CPXM2: variants seen among roughly 807,000 people sequenced by gnomAD.
The protein encoded by CPXM2 is carboxypeptidase X, M14 family member 2, also known as inactive carboxypeptidase-like protein X2.
A neutral mutation model predicts 86.1 loss-of-function variants in CPXM2; 66 were observed. The ratio of observed to expected loss-of-function variants is 0.77; its 90% CI spans 0.63 to 0.94. The LOEUF (loss-of-function observed/expected upper bound fraction) is 0.94, where lower values mean the gene tolerates loss of function less well. Ranked by LOEUF, CPXM2 falls within the 40% of genes least tolerant of loss-of-function variation. The pLI, the probability that CPXM2 is intolerant of heterozygous loss-of-function variation, is 0.00. For synonymous variants in CPXM2, 388 were observed against 400.2 expected, an observed-to-expected ratio of 0.97 and a Z score of 0.36; for missense variants, 948 against 1,026.3, an observed-to-expected ratio of 0.92 and a Z score of 1.04.
At chr10:123,940,925 A>C (rs1945769898), upstream of CPXM2, among the ~76,000 whole-genome samples, 1 of 152,148 alleles carries the variant, frequency 6.6e-6, no homozygotes, top group Non-Finnish European at 1.5e-5. Flanking sequence ...TAATCCCAGC[A>C]CTTTGGGAGG....
intron 7 of CPXM2, among the ~76,000 whole-genome samples, chr10:123,774,385 T>C (rs975295515): frequency 6.6e-6 from 1 of 152,226 alleles, no homozygotes; most frequent in Non-Finnish European, 1.5e-5. Flanking sequence ...AAAGTGTAGA[T>C]AAACAAATCT....
At chr10:123,815,013 G>T (rs1847784610) in intron 4 of CPXM2, among the ~76,000 whole-genome samples, 1 of 151,976 alleles carries the variant, frequency 6.6e-6, no homozygotes, top group Admixed American at 6.6e-5. Context: ...CTACAGAGTG[G>T]GACCTCGTCT....
chr10:123,939,610 G>A (rs750847584), intron 1 of CPXM2: 9 of 152,238 alleles, frequency 5.9e-5, no homozygotes, highest in East Asian at 1.9e-4. Context: ...GAGACTCTGC[G>A]TCTAAAGGGC....
intron 10 of CPXM2, among the ~76,000 whole-genome samples, chr10:123,763,940 G>A (rs935481354): frequency 1.3e-5 from 2 of 152,084 alleles, no homozygotes; most frequent in East Asian, 1.9e-4. Flanking sequence ...ATACTCACCC[G>A]CAATGTATAA....
chr10:123,862,600 A>G lies in CPXM2; in HGVS notation c.513+14T>C. The G allele has an allele frequency of 9.9e-6, 16 of 1,608,742 alleles. No individual in the cohort carries two copies. The highest frequency in any genetic ancestry group is 1.3e-5 in the Non-Finnish European group (15 of 1,175,100). ...CAAGGCAGTCAAAATCCTTCCAACCACAGGGCCAGGTACCTGGATGTTGAG... is the reference window on the plus strand; with the variant it reads ...CAAGGCAGTCAAAATCCTTCCAACCGCAGGGCCAGGTACCTGGATGTTGAG... On this transcript the variant is annotated intron_variant, in intron 3 of 13. Coordinates refer to ENST00000241305, the MANE Select transcript of CPXM2 (RefSeq NM_198148.3).
At chr10:123,877,324 G>C (rs1250893738) in intron 2 of CPXM2, among the ~76,000 whole-genome samples, 1 of 152,194 alleles carries the variant, frequency 6.6e-6, no homozygotes, top group Non-Finnish European at 1.5e-5. Flanking sequence ...ACAAGGTCAT[G>C]CTTTATCTTC....
rs1168480109 is a variant in CPXM2, at chr10:123,891,572, G to C, written c.88C>G (p.Leu30Val). The C allele has an allele frequency of 6.5e-7, 1 of 1,543,698 alleles. No homozygotes were observed. Among genetic ancestry groups the C allele is most frequent in the East Asian group, 2.5e-5 (1 of 40,442 alleles). The change falls in exon 1 of 14, where the codon CTC (leucine) becomes GTC (valine). Residue 30 changes from leucine to valine, a missense_variant. Physicochemically the swap from Leu to Val is conservative, Grantham distance 32. Transcript: ENST00000241305. The surrounding 1 kb of genome is among the most constrained non-coding windows in gnomAD (Gnocchi z 5.6). ...LAGVGAQGAALEDPDYYGQEI... is the reference protein window; with the variant it reads ...LAGVGAQGAAVEDPDYYGQEI... ...TGCCCGTAATAATCAGGGTCCTCGA[G>C]GGCTGCGCCCTGGGCTCCGACCCCG...
At chr10:123,890,123 T>C (rs746497972) in intron 1 of CPXM2, among the ~76,000 whole-genome samples, 22 of 152,230 alleles carry the variant, frequency 1.4e-4, no homozygotes, top group Non-Finnish European at 2.5e-4. Flanking sequence ...AAGTTTCTAA[T>C]GGAGTCACAG....
At chr10:123,822,078 A>G (rs545848384) in intron 4 of CPXM2, among the ~76,000 whole-genome samples, 2 of 152,350 alleles carry the variant, frequency 1.3e-5, no homozygotes, top group South Asian at 2.1e-4. Context: ...TGTGTGACCA[A>G]TGAAAAAGGT....
rs2134202731 is a variant in CPXM2, at chr10:123,865,339, A to G, written c.404-2616T>C. ...ACAGAGAAAACACAATGTCCTTGAA[A>G]GGCAAAGACAGAGTTACTGATCCGC... On this transcript the variant is annotated intron_variant, in intron 2 of 13. Coordinates refer to ENST00000241305, the MANE Select transcript of CPXM2 (RefSeq NM_198148.3). This position sits in a 1 kb window ranked among gnomAD's most constrained non-coding sequence, Gnocchi z 4.7. Among the ~76,000 whole-genome samples, 1 of 152,348 alleles carries G rather than the reference A, an allele frequency of 6.6e-6. No individual in the cohort carries two copies. Among genetic ancestry groups the G allele is most frequent in the East Asian group, 1.9e-4 (1 of 5,192 alleles).
intron 11 of CPXM2, among the ~76,000 whole-genome samples, chr10:123,758,072 A>G (rs1420870299): frequency 6.6e-6 from 1 of 152,082 alleles, no homozygotes; most frequent in African/African-American, 2.4e-5. Context: ...ACTCGTAGGC[A>G]AACCCACTCT....
At chr10:123,831,845 G>C (rs957529034) in intron 4 of CPXM2, among the ~76,000 whole-genome samples, 1 of 151,726 alleles carries the variant, frequency 6.6e-6, no homozygotes, top group African/African-American at 2.4e-5. Flanking sequence ...GCAATTAGCA[G>C]CCTTAATTTC....
At chr10:123,803,927 T>C (rs1410981300) in intron 4 of CPXM2, among the ~76,000 whole-genome samples, 1 of 152,218 alleles carries the variant, frequency 6.6e-6, no homozygotes, top group Non-Finnish European at 1.5e-5. Context: ...CCCAAAGTGC[T>C]GGGATTTACA....
chr10:123,762,932 T>A (rs1846379321), intron 10 of CPXM2, among the ~76,000 whole-genome samples: 1 of 152,186 alleles, frequency 6.6e-6, no homozygotes, highest in African/African-American at 2.4e-5. Context: ...TTGGGATTCA[T>A]TAAGTGTTGC....
upstream of CPXM2, among the ~76,000 whole-genome samples, chr10:123,892,160 A>G (rs985563757): frequency 6.6e-6 from 1 of 152,180 alleles, no homozygotes; most frequent in African/African-American, 2.4e-5. Context: ...TCAGAGCCCA[A>G]GCAGCCTCCA....
At chr10:123,766,938 T>C (rs1268051244) in intron 10 of CPXM2, 35 bp downstream of exon 10, 13 of 1,564,294 alleles carry the variant, frequency 8.3e-6, no homozygotes, top group Non-Finnish European at 7.0e-6. Flanking sequence ...GCCTTGCCTT[T>C]GGCTGCTTTA....
chr10:123,792,357 C>A (rs1847223874), intron 6 of CPXM2, among the ~76,000 whole-genome samples: 1 of 152,196 alleles, frequency 6.6e-6, no homozygotes, highest in South Asian at 2.1e-4. Flanking sequence ...TGGAAACTTA[C>A]AATCAAAACA....
intron 3 of CPXM2, among the ~76,000 whole-genome samples, chr10:123,860,468 G>A (rs1252636996): frequency 3.3e-5 from 5 of 152,254 alleles, no homozygotes; most frequent in Non-Finnish European, 5.9e-5. Flanking sequence ...CAACTGGAGG[G>A]ACAAAAACAC....
intron 1 of CPXM2, among the ~76,000 whole-genome samples, chr10:123,881,298 G>A (rs1365427090): frequency 7.8e-6 from 1 of 128,842 alleles, no homozygotes; most frequent in East Asian, 2.1e-4. Flanking sequence ...TACTGATCCT[G>A]AACATCTCAG....
Sources: allele counts gnomAD v4.1 joint callset (sites outside exome capture counted in the v4.1 genomes callset), GRCh38; gene constraint gnomAD v4.1.1; non-coding constraint Gnocchi (gnomAD v3.1); transcripts MANE v1.5; gene names NCBI Gene and HGNC (gene_info 2026-07-23, HGNC 2026-07-21).